The following GPHN variants were observed in gnomAD, a reference collection of about 807,000 sequenced individuals.
The protein encoded by GPHN is gephyrin.
GPHN carries 17 observed loss-of-function variants against 95.5 expected under a neutral mutation model. That is an observed-to-expected ratio of 0.18 (90% confidence interval 0.12 to 0.27). The LOEUF (loss-of-function observed/expected upper bound fraction) is 0.27, where lower values mean the gene tolerates loss of function less well. Among genes scored for constraint, GPHN ranks in the 10% least tolerant of loss-of-function variants. The pLI is 1.00. For missense variants in GPHN, 660 were observed against 978.1 expected (o/e 0.67, Z 4.34); for synonymous variants, 320 against 322.5 (o/e 0.99, Z 0.08).
intron 3 of GPHN, among the ~76,000 whole-genome samples, chr14:66,782,363 T>G (rs1357698108): frequency 6.6e-6 from 1 of 152,212 alleles, no homozygotes; most frequent in Non-Finnish European, 1.5e-5. Context: ...CTTTTTTATT[T>G]TATTGGCTCA....
the GPHN span, among the ~76,000 whole-genome samples, chr14:67,291,310 C>T: frequency 6.7e-6 from 1 of 150,066 alleles, no homozygotes; most frequent in African/African-American, 2.5e-5. Flanking sequence ...CTCACTGCAA[C>T]CTCCGCCTCC....
the GPHN span, chr14:67,279,465 A>G: frequency 6.8e-6 from 11 of 1,611,516 alleles, no homozygotes; most frequent in Non-Finnish European, 9.3e-6. Flanking sequence ...AAAGACCGGA[A>G]TAGATAACCC....
chr14:66,986,936 A>G (rs1212770672), intron 9 of GPHN, among the ~76,000 whole-genome samples: 1 of 152,156 alleles, frequency 6.6e-6, no homozygotes, highest in African/African-American at 2.4e-5. Context: ...ATGAGTGCAC[A>G]TGGATGAAGG....
chr14:67,142,366 G>C (rs534155878), intron 17 of GPHN, among the ~76,000 whole-genome samples: 2 of 152,240 alleles, frequency 1.3e-5, no homozygotes, highest in South Asian at 4.1e-4. Context: ...CATAAGTCTT[G>C]ATTCTTGGCA....
At chr14:67,555,909 C>T in the GPHN span, 16 of 1,611,096 alleles carry the variant, frequency 9.9e-6, 1 homozygote, top group Middle Eastern at 6.7e-4. Context: ...AGGGGATCGG[C>T]GGGAATATGC....
chr14:66,544,787 A>G (rs1270176930), intron 1 of GPHN, among the ~76,000 whole-genome samples: 1 of 151,532 alleles, frequency 6.6e-6, no homozygotes, highest in African/African-American at 2.4e-5. Flanking sequence ...AGTGGTGATG[A>G]CTCTTAAGGA....
the GPHN span, among the ~76,000 whole-genome samples, chr14:67,423,606 A>C: frequency 8.5e-5 from 13 of 152,266 alleles, no homozygotes; most frequent in African/African-American, 3.1e-4. Context: ...TAAGTCTGAG[A>C]AAAGGTGGGA....
chr14:67,193,090 ATC>A, the GPHN span, among the ~76,000 whole-genome samples: 4 of 144,030 alleles, frequency 2.8e-5, no homozygotes, highest in Non-Finnish European at 6.0e-5. Flanking sequence ...ATCTATCTAT[ATC>A]TCTATATATC....
intron 1 of GPHN, among the ~76,000 whole-genome samples, chr14:66,538,222 G>A (rs754513970): frequency 1.6e-4 from 24 of 151,918 alleles, no homozygotes; most frequent in Non-Finnish European, 3.4e-4. Context: ...TTTTTTGGCT[G>A]CATTTAAGAT....
intron 13 of GPHN, among the ~76,000 whole-genome samples, chr14:67,109,780 G>A (rs2078263940): frequency 1.3e-5 from 2 of 152,042 alleles, no homozygotes; most frequent in Admixed American, 6.5e-5. Context: ...GTATGTCCTA[G>A]CAATTTTTTT....
intron 9 of GPHN, among the ~76,000 whole-genome samples, chr14:67,000,945 G>A (rs1039217632): frequency 6.6e-6 from 1 of 151,412 alleles, no homozygotes; most frequent in Non-Finnish European, 1.5e-5. Context: ...ACACACTATT[G>A]TAGTTGGCAC....
At chr14:66,551,419 T>C (rs1249295225) in intron 1 of GPHN, among the ~76,000 whole-genome samples, 1 of 152,192 alleles carries the variant, frequency 6.6e-6, no homozygotes, top group African/African-American at 2.4e-5. Flanking sequence ...TTGTAGTTCA[T>C]CCCTGGTCCT....
chr14:67,648,404 G>A, the GPHN span: 1 of 405,232 alleles, frequency 2.5e-6, no homozygotes, highest in Non-Finnish European at 4.3e-6. Flanking sequence ...AGGTAATAAT[G>A]AGTAAAAAAT....
At chr14:67,112,216 A>AT (rs967847842) in intron 15 of GPHN, among the ~76,000 whole-genome samples, 3 of 152,090 alleles carry the variant, frequency 2.0e-5, no homozygotes, top group African/African-American at 7.2e-5. Context: ...ACCCAATCCC[A>AT]TCCCTAAATA....
the GPHN span, chr14:67,735,316 G>A: frequency 4.1e-5 from 33 of 810,928 alleles, 1 homozygote; most frequent in South Asian, 3.2e-4. Context: ...GTAGTGTCTC[G>A]CCCGACACCA....
chr14:66,730,376 G>A (rs1344093886), intron 2 of GPHN, among the ~76,000 whole-genome samples: 2 of 152,154 alleles, frequency 1.3e-5, no homozygotes, highest in Middle Eastern at 3.4e-3. Context: ...GAGTTTAATC[G>A]TTTGAATACC....
At chr14:67,709,825 A>T in the GPHN span, among the ~76,000 whole-genome samples, 5 of 152,188 alleles carry the variant, frequency 3.3e-5, no homozygotes, top group African/African-American at 9.7e-5. Context: ...ACTTTAAAAG[A>T]GCATAAAGAG....
Position 66,922,718 on chromosome 14 carries a change from G to A in GPHN, c.509G>A (p.Arg170His), listed in dbSNP as rs371904779. Reference protein sequence around the residue: ...PALPHAIDLLRDAIVKVKEVH... With the variant: ...PALPHAIDLLHDAIVKVKEVH... ...CTACCTCATGCCATTGACCTTTTAC[G>A]TGATGCCATTGTAAAAGTAAAGGAG... The change falls in exon 7 of 23, where the codon CGT becomes CAT. Residue 170 changes from arginine to histidine, a missense_variant. By Grantham distance (29) the Arg-to-His change is conservative (BLOSUM62 0). Transcript: ENST00000478722. 2.2e-5 allele frequency: 36 copies of A among 1,612,578 alleles called. No homozygotes were observed. Among genetic ancestry groups the A allele is most frequent in the Admixed American group, 3.3e-5 (2 of 59,946 alleles).
the GPHN span, among the ~76,000 whole-genome samples, chr14:67,220,073 ATATAT>A: frequency 6.6e-6 from 1 of 152,160 alleles, no homozygotes; most frequent in Non-Finnish European, 1.5e-5. Flanking sequence ...AATAAGTTAT[ATATAT>A]TATTTTTCTT....
Sources: gnomAD v4.1 joint callset for allele counts (sites outside exome capture counted in the v4.1 genomes callset) on GRCh38, gnomAD v4.1.1 for gene constraint, MANE v1.5 for transcripts, NCBI Gene and HGNC (gene_info 2026-07-23, HGNC 2026-07-21) for gene names.